Variants in PTH observed in about 807,000 individuals in gnomAD.
PTH encodes the protein parathyroid hormone, also known as parathormone.
PTH carries 7 observed loss-of-function variants against 7.4 expected under a neutral mutation model. The ratio of observed to expected loss-of-function variants is 0.94; its 90% CI spans 0.53 to 1.77. PTH has a LOEUF of 1.77. Ranked by LOEUF, PTH falls within the 40% of genes most tolerant of loss-of-function variation. The probability of loss-of-function intolerance (pLI) is 0.00; values close to 1 mark genes in which losing one functional copy is unlikely to be tolerated. For synonymous variants in PTH, 51 were observed against 46.6 expected, an observed-to-expected ratio of 1.09 and a Z score of -0.39; for missense variants, 128 against 137.1, an observed-to-expected ratio of 0.93 and a Z score of 0.33.
At chr11:13,495,839 G>T (rs1847529540) in intron 1 of PTH, 72 bp downstream of exon 1, 1 of 152,022 alleles carries the variant, frequency 6.6e-6, no homozygotes, top group Non-Finnish European at 1.5e-5. Context: ...TTGTAGAAAT[G>T]GTACACATTA....
intron 1 of PTH, among the ~76,000 whole-genome samples, chr11:13,494,250 C>T (rs1439091744): frequency 6.6e-6 from 1 of 152,108 alleles, no homozygotes; most frequent in Non-Finnish European, 1.5e-5. Flanking sequence ...CGGAGGTCAC[C>T]AGCCCTCCCT....
Position 13,492,291 on chromosome 11 carries a change from T to A in PTH, c.*114A>T. 1.5e-6 allele frequency: 2 copies of A among 1,323,832 alleles called. No individual in the cohort carries two copies. Among genetic ancestry groups the A allele is most frequent in the Non-Finnish European group, 2.1e-6 (2 of 945,914 alleles). 82.0% of individuals were successfully genotyped at this position (1,323,832 alleles called of 1,614,324 possible). A position where few individuals can be genotyped will look rare whatever the true frequency, so the allele number is the denominator to read the frequency against. ...TGGCTAGTGATGGATTACATGTAGTTTGTTATATCAGAAATATTGGCACTT... is the reference window on the plus strand; with the variant it reads ...TGGCTAGTGATGGATTACATGTAGTATGTTATATCAGAAATATTGGCACTT... On this transcript the variant is annotated 3_prime_UTR_variant, in exon 3 of 3. Coordinates refer to ENST00000282091, the MANE Select transcript of PTH (RefSeq NM_000315.4).
chr11:13,492,628 A>G lies in PTH; in HGVS notation c.125T>C (p.Leu42Pro). ...SVSEIQLMHN[L>P]GKHLNSMERV... ...CTCCATCGAGTTCAGATGTTTTCCC[A>G]GGTTATGCATAAGCTGTATTTCACT... The change falls in exon 3 of 3, where the codon CTG becomes CCG. Residue 42 changes from leucine (L) to proline (P), a missense_variant. Physicochemically the swap from Leu to Pro is moderately conservative, Grantham distance 98 (BLOSUM62 -3). Transcript: ENST00000282091. 6.2e-7 allele frequency: 1 copy of G among 1,614,094 alleles called. No individual in the cohort carries two copies. The highest frequency in any genetic ancestry group is 8.5e-7 in the Non-Finnish European group (1 of 1,180,012).
rs1847483626 is a variant in PTH, at chr11:13,492,343, G to A, written c.*62C>T. 3.8e-6 allele frequency: 6 copies of A among 1,587,912 alleles called. No individual in the cohort carries two copies. The Admixed American group carries it at 8.4e-5, about 22-fold the overall frequency. On this transcript the variant is annotated 3_prime_UTR_variant, in exon 3 of 3. Transcript: ENST00000282091. The stretch of plus-strand genomic sequence containing the variant: ...GAAATCTTAATAGAGCTTTGAATTA[G>A]CAGCATGTATTGTTGCCCTACACTG...
In PTH at chr11:13,492,193, T is replaced by C. The variant is rs1422935394; in HGVS notation, c.*212A>G. 2 of 578,372 alleles carry C rather than the reference T, an allele frequency of 3.5e-6. No individual in the cohort carries two copies. Among genetic ancestry groups the C allele is most frequent in the African/African-American group, 3.8e-5 (2 of 53,288 alleles). The allele number at this position is 578,372 out of a possible 1,614,324, so 35.8% of individuals were successfully genotyped here. ...AACATACTTTAAAAAGAATAAACAA[T>C]AGAAAAGATAATTAAAATAACTCAA... is the stretch of plus-strand genomic sequence containing the variant. On this transcript the variant is annotated 3_prime_UTR_variant, in exon 3 of 3. Transcript: ENST00000282091.
At position 13,492,482 on chromosome 11, in the gene PTH, C is replaced by T. The variant is rs1233931748; in HGVS notation, c.271G>A (p.Val91Ile). 3.1e-6 allele frequency: 5 copies of T among 1,614,028 alleles called. No individual in the cohort carries two copies. Among genetic ancestry groups the T allele is most frequent in the South Asian group, 1.1e-5 (1 of 91,080 alleles). Residue 91 changes from valine to isoleucine, a missense_variant, in exon 3 of 3, where the codon GTT becomes ATT. Transcript: ENST00000282091. Reference protein sequence around the residue: ...RPRKKEDNVLVESHEKSLGEA... With the variant: ...RPRKKEDNVLIESHEKSLGEA... ...CCAAGACTTTTTTCATGGCTCTCAACCAAGACATTGTCTTCCTTTTTTCGG... is the reference window on the plus strand; with the variant it reads ...CCAAGACTTTTTTCATGGCTCTCAATCAAGACATTGTCTTCCTTTTTTCGG...
At position 13,495,964 on chromosome 11, in the gene PTH, G is replaced by A. The variant is rs148099533; in HGVS notation, c.-59C>T. ...TTCAGGTATGTTAGTAGCTGATGCT[G>A]AGTAAACTAAAGACAACTGATGAAT... On this transcript the variant is annotated 5_prime_UTR_variant, in exon 1 of 3. Transcript: ENST00000282091. 6.6e-6 allele frequency: 1 copy of A among 152,234 alleles called. No homozygotes were observed. The highest frequency in any genetic ancestry group is 1.9e-4 in the East Asian group (1 of 5,174). 9.4% of individuals were successfully genotyped at this position (152,234 alleles called of 1,614,324 possible). A position where few individuals can be genotyped will look rare whatever the true frequency, so the allele number is the denominator to read the frequency against.
In PTH at chr11:13,492,437, C is replaced by T. The variant is rs1476002397; in HGVS notation, c.316G>A (p.Val106Met). The change falls in exon 3 of 3, where the codon GTG (valine) becomes ATG (methionine). Residue 106 changes from valine (V) to methionine (M), a missense_variant. Transcript: ENST00000282091. ...GATTTAGCTTTAGTTAATACATTCA[C>T]ATCAGCTTTGTCTGCCTCTCCAAGA... ...KSLGEADKADVNVLTKAKSQ is the reference protein window; with the variant it reads ...KSLGEADKADMNVLTKAKSQ 2 of 1,613,948 alleles carry T rather than the reference C, an allele frequency of 1.2e-6. No homozygotes were observed. Among genetic ancestry groups the T allele is most frequent in the Middle Eastern group, 1.7e-4 (1 of 6,056 alleles).
intron 1 of PTH, among the ~76,000 whole-genome samples, chr11:13,495,617 C>T (rs1400427493): frequency 6.6e-6 from 1 of 152,072 alleles, no homozygotes; most frequent in Non-Finnish European, 1.5e-5. Context: ...AATTTTGACA[C>T]CGATACTATT....
At chr11:13,495,275 C>A (rs1356397398) in intron 1 of PTH, among the ~76,000 whole-genome samples, 1 of 152,138 alleles carries the variant, frequency 6.6e-6, no homozygotes. Context: ...TATAGAAGTG[C>A]TTTTCCTTAA....
In PTH at chr11:13,492,502, T is replaced by C. The variant is rs1014189818; in HGVS notation, c.251A>G (p.Lys84Arg). Residue 84 changes from lysine (K) to arginine (R), a missense_variant, in exon 3 of 3, where the codon AAA becomes AGA. Lys to Arg is a conservative substitution (Grantham distance 26). Coordinates refer to ENST00000282091, the MANE Select transcript of PTH (RefSeq NM_000315.4). ...CTCAACCAAGACATTGTCTTCCTTT[T>C]TTCGGGGCCTCTGGGAACCAGCATC... The part of the protein sequence containing the change: ...PRDAGSQRPR[K>R]KEDNVLVESH... The C allele has an allele frequency of 5.0e-6, 8 of 1,614,072 alleles. No individual in the cohort carries two copies. In the Admixed American group the frequency reaches 8.3e-5, roughly 17 times the overall value.
In PTH at chr11:13,492,460, A is replaced by G. The variant is rs1013619022; in HGVS notation, c.293T>C (p.Leu98Pro). The change falls in exon 3 of 3, where the codon CTT becomes CCT. Residue 98 changes from leucine to proline, a missense_variant. By Grantham distance (98) the Leu-to-Pro change is moderately conservative. Transcript: ENST00000282091. The stretch of plus-strand genomic sequence containing the variant: ...CACATCAGCTTTGTCTGCCTCTCCA[A>G]GACTTTTTTCATGGCTCTCAACCAA... ...NVLVESHEKS[L>P]GEADKADVNV... The G allele has an allele frequency of 8.1e-6, 13 of 1,614,148 alleles. No individual in the cohort carries two copies. Among genetic ancestry groups the G allele is most frequent in the Non-Finnish European group, 1.1e-5 (13 of 1,180,022 alleles).
At chr11:13,493,101 TTA>T (rs1847497364) in intron 1 of PTH, among the ~76,000 whole-genome samples, 1 of 150,114 alleles carries the variant, frequency 6.7e-6, no homozygotes, top group African/African-American at 2.5e-5. Flanking sequence ...ATTTATTTAT[TTA>T]TTTATTTTTA....
intron 1 of PTH, among the ~76,000 whole-genome samples, chr11:13,494,159 C>T (rs1232469078): frequency 3.9e-5 from 6 of 152,070 alleles, no homozygotes; most frequent in Non-Finnish European, 7.4e-5. Context: ...AACAGACCAG[C>T]GTGGCTTCTT....
chr11:13,492,881 G>C, intron 1 of PTH, 21 bp from the exon 2 acceptor site: 1 of 1,585,438 alleles, frequency 6.3e-7, no homozygotes, highest in Non-Finnish European at 8.6e-7. Flanking sequence ...AAGCAAAATG[G>C]AGGTATTTTA....
chr11:13,492,291 T>C lies in PTH; in HGVS notation c.*114A>G, dbSNP rs1847482643. ...TGGCTAGTGATGGATTACATGTAGT[T>C]TGTTATATCAGAAATATTGGCACTT... On this transcript the variant is annotated 3_prime_UTR_variant, in exon 3 of 3. Transcript: ENST00000282091. 2 of 1,323,832 alleles carry C rather than the reference T, an allele frequency of 1.5e-6. No homozygotes were observed. Among genetic ancestry groups the C allele is most frequent in the African/African-American group, 2.9e-5 (2 of 69,208 alleles). The allele number at this position is 1,323,832 out of a possible 1,614,324, so 82.0% of individuals were successfully genotyped here.
Position 13,492,506 on chromosome 11 carries a change from G to T in PTH, c.247C>A (p.Arg83=), listed in dbSNP as rs6256. ...ACCAAGACATTGTCTTCCTTTTTTC[G>T]GGGCCTCTGGGAACCAGCATCTCTG... ...APRDAGSQRP[R]KKEDNVLVES... The change falls in exon 3 of 3, where the codon CGA becomes AGA. Residue 83 remains arginine (R), a synonymous_variant. Transcript: ENST00000282091. 252,047 of 1,613,284 alleles carry T rather than the reference G, an allele frequency of 0.16. 21,820 individuals are homozygous for T. The highest frequency in any genetic ancestry group is 0.32 in the South Asian group (29,087 of 91,040).
At position 13,492,230 on chromosome 11, in the gene PTH, T is replaced by C; in HGVS notation, c.*175A>G. The C allele has an allele frequency of 1.5e-6, 1 of 650,236 alleles. No individual in the cohort carries two copies. Among genetic ancestry groups the C allele is most frequent in the Non-Finnish European group, 2.5e-6 (1 of 397,254 alleles). 40.3% of individuals were successfully genotyped at this position (650,236 alleles called of 1,614,324 possible). A position where few individuals can be genotyped will look rare whatever the true frequency, so the allele number is the denominator to read the frequency against. On this transcript the variant is annotated 3_prime_UTR_variant, in exon 3 of 3. Coordinates refer to ENST00000282091, the MANE Select transcript of PTH (RefSeq NM_000315.4). ...TTAAAATAACTCAAATGAATAAAAG[T>C]GGAATCAGAATAATCAATTAAAATT...
rs778805086 is a variant in PTH, at chr11:13,492,685, G to A, written c.87-19C>T. ...TCTCTTCCTGGGAAGAAGAGAAACA[G>A]AGAGGGCCACTTCCCATTAGCTCCC... On this transcript the variant is annotated intron_variant, in intron 2 of 2. Coordinates refer to ENST00000282091, the MANE Select transcript of PTH (RefSeq NM_000315.4). 6.2e-7 allele frequency: 1 copy of A among 1,614,036 alleles called. No individual in the cohort carries two copies. Among genetic ancestry groups the A allele is most frequent in the Non-Finnish European group, 8.5e-7 (1 of 1,179,990 alleles).
Sources: allele counts gnomAD v4.1 joint callset (sites outside exome capture counted in the v4.1 genomes callset), GRCh38; gene constraint gnomAD v4.1.1; transcripts MANE v1.5; gene names NCBI Gene and HGNC (gene_info 2026-07-23, HGNC 2026-07-21).